LRRTM2: variants seen among roughly 807,000 people sequenced by gnomAD.
LRRTM2 encodes leucine rich repeat transmembrane neuronal 2.
In LRRTM2, 14 loss-of-function variants were observed where a neutral mutation model predicts 40.7. That is an observed-to-expected ratio of 0.34 (90% CI 0.23 to 0.54). The LOEUF (loss-of-function observed/expected upper bound fraction) is 0.54, where lower values mean the gene tolerates loss of function less well. LRRTM2 is among the 20% of genes least tolerant of loss of function. LRRTM2 has a pLI of 0.92. For missense variants in LRRTM2, 468 were observed against 624.4 expected (o/e 0.75, Z 2.67); for synonymous variants, 223 against 237.6 (o/e 0.94, Z 0.57).
In LRRTM2 at chr5:138,869,844, A is replaced by C. The variant is rs1034368845; in HGVS notation, c.*3166T>G. ...TGTTAGTACAGATTTTTGGCTTAAA[A>C]AATTAGTATCTTTGCTTTTTGATGC... On this transcript the variant is annotated 3_prime_UTR_variant, in exon 2 of 2. Transcript: ENST00000274711. 6.5e-6 allele frequency: 1 copy of C among 152,672 alleles called. No individual in the cohort carries two copies. Among genetic ancestry groups the C allele is most frequent in the Non-Finnish European group, 1.5e-5 (1 of 68,048 alleles). 9.5% of individuals were successfully genotyped at this position (152,672 alleles called of 1,614,324 possible).
Position 138,874,410 on chromosome 5 carries a change from C to T in LRRTM2, c.151G>A (p.Gly51Ser). The T allele has an allele frequency of 1.2e-6, 2 of 1,613,842 alleles. No homozygotes were observed. Among genetic ancestry groups the T allele is most frequent in the Middle Eastern group, 1.6e-4 (1 of 6,062 alleles). The change falls in exon 2 of 2, where the codon GGC (glycine) becomes AGC (serine). Residue 51 changes from glycine to serine, a missense_variant. Coordinates refer to ENST00000274711, the MANE Select transcript of LRRTM2 (RefSeq NM_015564.3). The surrounding 1 kb of genome is among the most constrained non-coding windows in gnomAD (Gnocchi z 4.1). ...EKLLFYCDSQ[G>S]FHSVPNATDK... Reference sequence around the variant, plus strand: ...GTGGCGTTTGGCACTGAGTGGAAGCCCTGAGAGTCGCAGTAGAAGAGCAGC... The same window carrying T: ...GTGGCGTTTGGCACTGAGTGGAAGCTCTGAGAGTCGCAGTAGAAGAGCAGC...
At position 138,872,913 on chromosome 5, in the gene LRRTM2, G is replaced by C. The variant is rs1750814952; in HGVS notation, c.*97C>G. On this transcript the variant is annotated 3_prime_UTR_variant, in exon 2 of 2. Transcript: ENST00000274711. The stretch of plus-strand genomic sequence containing the variant: ...GTCTCCACTTAGTTTGGAAAATTAG[G>C]CTTAATGTCACCATTGGTAAAAATT... The C allele has an allele frequency of 1.2e-6, 1 of 858,044 alleles. No homozygotes were observed. The highest frequency in any genetic ancestry group is 1.7e-5 in the African/African-American group (1 of 58,812). The allele number at this position is 858,044 out of a possible 1,614,324, so 53.2% of individuals were successfully genotyped here. A position where few individuals can be genotyped will look rare whatever the true frequency, so the allele number is the denominator to read the frequency against.
Position 138,873,168 on chromosome 5 carries a change from T to C in LRRTM2, c.1393A>G (p.Arg465Gly), listed in dbSNP as rs1336905253. The change falls in exon 2 of 2, where the codon AGG (arginine) becomes GGG (glycine). Residue 465 changes from arginine (R) to glycine (G), a missense_variant. By Grantham distance (125) the Arg-to-Gly change is moderately radical. Coordinates refer to ENST00000274711, the MANE Select transcript of LRRTM2 (RefSeq NM_015564.3). The surrounding 1 kb of genome is among the most constrained non-coding windows in gnomAD (Gnocchi z 6.1). ...IRQCSMVQNHRQLRSQTRLHM... is the reference protein window; with the variant it reads ...IRQCSMVQNHGQLRSQTRLHM... ...AGTCGTGTTTGGGATCGGAGCTGCC[T>C]GTGGTTCTGAACCATTGAGCACTGC... 6.2e-7 allele frequency: 1 copy of C among 1,613,842 alleles called. No individual in the cohort carries two copies. Among genetic ancestry groups the C allele is most frequent in the Non-Finnish European group, 8.5e-7 (1 of 1,179,764 alleles).
Position 138,869,746 on chromosome 5 carries a change from G to A in LRRTM2, c.*3264C>T, listed in dbSNP as rs1033106763. 4 of 152,566 alleles carry A rather than the reference G, an allele frequency of 2.6e-5. No individual in the cohort carries two copies. Among genetic ancestry groups the A allele is most frequent in the Admixed American group, 6.6e-5 (1 of 15,252 alleles). 9.5% of individuals were successfully genotyped at this position (152,566 alleles called of 1,614,324 possible). A position where few individuals can be genotyped will look rare whatever the true frequency, so the allele number is the denominator to read the frequency against. On this transcript the variant is annotated 3_prime_UTR_variant, in exon 2 of 2. Coordinates refer to ENST00000274711, the MANE Select transcript of LRRTM2 (RefSeq NM_015564.3). ...CAGATGGATTTTAATAATTAGTGGC[G>A]TTGGGAAGTTCAGTCAATTCCATTT...
In LRRTM2 at chr5:138,874,993, G is replaced by A; in HGVS notation, c.-82C>T. 16 of 1,418,078 alleles carry A rather than the reference G, an allele frequency of 1.1e-5. No homozygotes were observed. Among genetic ancestry groups the A allele is most frequent in the Non-Finnish European group, 1.6e-5 (16 of 1,011,098 alleles). 87.8% of individuals were successfully genotyped at this position (1,418,078 alleles called of 1,614,324 possible). ...AGTCTGTAAAAGGCTCTAACATGTA[G>A]GAGCCTTTGACCAGTTTCCTGTTTT... On this transcript the variant is annotated 5_prime_UTR_variant, in exon 1 of 2. Transcript: ENST00000274711. This position sits in a 1 kb window ranked among gnomAD's most constrained non-coding sequence, Gnocchi z 4.1.
In LRRTM2 at chr5:138,873,744, A is replaced by C. The variant is rs1199338919; in HGVS notation, c.817T>G (p.Phe273Val). The C allele has an allele frequency of 6.2e-6, 10 of 1,613,920 alleles. No individual in the cohort carries two copies. Among genetic ancestry groups the C allele is most frequent in the Non-Finnish European group, 8.5e-6 (10 of 1,179,910 alleles). The change falls in exon 2 of 2, where the codon TTT (phenylalanine) becomes GTT (valine). Residue 273 changes from phenylalanine to valine, a missense_variant. By Grantham distance (50) the Phe-to-Val change is conservative. Coordinates refer to ENST00000274711, the MANE Select transcript of LRRTM2 (RefSeq NM_015564.3). This position sits in a 1 kb window ranked among gnomAD's most constrained non-coding sequence, Gnocchi z 6.1. ...ATTTTAAGATTGGGCATCGTTTCAA[A>C]CACTGTCAAGTCGATGGCTTTGATT... is the stretch of plus-strand genomic sequence containing the variant. Reference protein sequence around the residue: ...NEIKAIDLTVFETMPNLKILL... With the variant: ...NEIKAIDLTVVETMPNLKILL...
chr5:138,874,404 G>A lies in LRRTM2; in HGVS notation c.157C>T (p.His53Tyr), dbSNP rs1751054472. 1.2e-6 allele frequency: 2 copies of A among 1,613,846 alleles called. No individual in the cohort carries two copies. The highest frequency in any genetic ancestry group is 2.2e-5 in the South Asian group (2 of 91,076). The change falls in exon 2 of 2, where the codon CAC becomes TAC. Residue 53 changes from histidine (H) to tyrosine (Y), a missense_variant. His to Tyr is a moderately conservative substitution (Grantham distance 83). Transcript: ENST00000274711. This position sits in a 1 kb window ranked among gnomAD's most constrained non-coding sequence, Gnocchi z 4.1. The part of the protein sequence containing the change: ...LLFYCDSQGF[H>Y]SVPNATDKGS... ...TTGTCTGTGGCGTTTGGCACTGAGT[G>A]GAAGCCCTGAGAGTCGCAGTAGAAG...
In LRRTM2 at chr5:138,871,946, T is replaced by A. The variant is rs1246998140; in HGVS notation, c.*1064A>T. 1.3e-5 allele frequency: 2 copies of A among 151,802 alleles called. No individual in the cohort carries two copies. Among genetic ancestry groups the A allele is most frequent in the Non-Finnish European group, 2.9e-5 (2 of 68,008 alleles). The allele number at this position is 151,802 out of a possible 1,614,324, so 9.4% of individuals were successfully genotyped here. ...AACTTGGCTCTTTGAGGTTTGAAGA[T>A]CAGGAAAAAGCAGAAGAAAGAGGTT... is the stretch of plus-strand genomic sequence containing the variant. On this transcript the variant is annotated 3_prime_UTR_variant, in exon 2 of 2. Transcript: ENST00000274711.
chr5:138,874,293 G>C lies in LRRTM2; in HGVS notation c.268C>G (p.Leu90Val). The C allele has an allele frequency of 6.2e-7, 1 of 1,614,034 alleles. No homozygotes were observed. The highest frequency in any genetic ancestry group is 1.3e-5 in the African/African-American group (1 of 75,050). Residue 90 changes from leucine to valine, a missense_variant, in exon 2 of 2, where the codon CTC becomes GTC. Leu to Val is a conservative substitution (Grantham distance 32). Transcript: ENST00000274711. The surrounding 1 kb of genome is among the most constrained non-coding windows in gnomAD (Gnocchi z 4.1). Reference protein sequence around the residue: ...QFASFSQLTWLHLDHNQISTV... With the variant: ...QFASFSQLTWVHLDHNQISTV... ...GAAATTTGATTGTGATCTAAGTGGA[G>C]CCAAGTAAGTTGACTGAAGCTGGCA... is the stretch of plus-strand genomic sequence containing the variant.
chr5:138,871,777 A>G lies in LRRTM2; in HGVS notation c.*1233T>C, dbSNP rs1031445397. 6.6e-6 allele frequency: 1 copy of G among 152,166 alleles called. No homozygotes were observed. The highest frequency in any genetic ancestry group is 1.5e-5 in the Non-Finnish European group (1 of 68,022). The allele number at this position is 152,166 out of a possible 1,614,324, so 9.4% of individuals were successfully genotyped here. ...CAGTGGTGCTGTTTTCTTCACCTAC[A>G]CTGAACTACACTTACAGCGTGAATG... On this transcript the variant is annotated 3_prime_UTR_variant, in exon 2 of 2. Transcript: ENST00000274711.
rs1765127447 is a variant in LRRTM2 at position 138,869,380 on chromosome 5, T to A, written c.*3630A>T. On this transcript the variant is annotated 3_prime_UTR_variant, in exon 2 of 2. Coordinates refer to ENST00000274711, the MANE Select transcript of LRRTM2 (RefSeq NM_015564.3). ...GGCCTTACTGTCTCTCTCTCTTTTT[T>A]TTTTTTTTTCCTGGCTCAAGGGCTT... is the stretch of plus-strand genomic sequence containing the variant. The A allele has an allele frequency of 6.6e-6, 1 of 151,918 alleles. No individual in the cohort carries two copies. The highest frequency in any genetic ancestry group is 2.4e-5 in the African/African-American group (1 of 41,382). 9.4% of individuals were successfully genotyped at this position (151,918 alleles called of 1,614,324 possible). A position where few individuals can be genotyped will look rare whatever the true frequency, so the allele number is the denominator to read the frequency against.
At position 138,874,201 on chromosome 5, in the gene LRRTM2, T is replaced by G. The variant is rs945429857; in HGVS notation, c.360A>C (p.Lys120Asn). 2.5e-6 allele frequency: 4 copies of G among 1,613,898 alleles called. No homozygotes were observed. In the Admixed American group the frequency reaches 5.0e-5, roughly 20 times the overall value. Reference protein sequence around the residue: ...KLKELILSSNKIFYLPNTTFT... With the variant: ...KLKELILSSNNIFYLPNTTFT... ...AAGTTGTGTTTGGCAAGTAAAATAT[T>G]TTGTTGGAACTTAAGATTAATTCCT... is the stretch of plus-strand genomic sequence containing the variant. Residue 120 changes from lysine to asparagine, a missense_variant, in exon 2 of 2, where the codon AAA becomes AAC. Physicochemically the swap from Lys to Asn is moderately conservative, Grantham distance 94. Coordinates refer to ENST00000274711, the MANE Select transcript of LRRTM2 (RefSeq NM_015564.3). This position sits in a 1 kb window ranked among gnomAD's most constrained non-coding sequence, Gnocchi z 4.1.
Position 138,874,509 on chromosome 5 carries a change from A to G in LRRTM2, c.52T>C (p.Tyr18His). The change falls in exon 2 of 2, where the codon TAT becomes CAT. Residue 18 changes from tyrosine (Y) to histidine (H), a missense_variant. Physicochemically the swap from Tyr to His is moderately conservative, Grantham distance 83. Transcript: ENST00000274711. This position sits in a 1 kb window ranked among gnomAD's most constrained non-coding sequence, Gnocchi z 4.1. The part of the protein sequence containing the change: ...PLGAPMLAAI[Y>H]AMSMVLKMLP... Reference sequence around the variant, plus strand: ...ATTTTTAAAACCATACTCATTGCATATATTGCTGCCAGCATAGGGGCCCCT... The same window carrying G: ...ATTTTTAAAACCATACTCATTGCATGTATTGCTGCCAGCATAGGGGCCCCT... 3 of 1,602,098 alleles carry G rather than the reference A, an allele frequency of 1.9e-6. No homozygotes were observed. Among genetic ancestry groups the G allele is most frequent in the Non-Finnish European group, 2.6e-6 (3 of 1,172,632 alleles).
chr5:138,874,542 A>G lies in LRRTM2; in HGVS notation c.19T>C (p.Trp7Arg). 6.4e-7 allele frequency: 1 copy of G among 1,566,484 alleles called. No individual in the cohort carries two copies. The change falls in exon 2 of 2, where the codon TGG (tryptophan) becomes CGG (arginine). Residue 7 changes from tryptophan (W) to arginine (R), a missense_variant. Trp to Arg is a moderately radical substitution (Grantham distance 101). Coordinates refer to ENST00000274711, the MANE Select transcript of LRRTM2 (RefSeq NM_015564.3). The surrounding 1 kb of genome is among the most constrained non-coding windows in gnomAD (Gnocchi z 4.1). ...GCCAGCATAGGGGCCCCTAATGGCC[A>G]CTTGAAATGTAAGCCTGCAGAATAT... Reference protein sequence around the residue: MGLHFKWPLGAPMLAAI... With the variant: MGLHFKRPLGAPMLAAI...
Position 138,874,449 on chromosome 5 carries a change from A to T in LRRTM2, c.112T>A (p.Cys38Ser). 6.2e-7 allele frequency: 1 copy of T among 1,613,788 alleles called. No individual in the cohort carries two copies. ...TAGAAGAGCAGCTTCTCGCAGCGGC[A>T]TTTGGGTGGACACGCCATACCCAGG... is the stretch of plus-strand genomic sequence containing the variant. Reference protein sequence around the residue: ...PALGMACPPKCRCEKLLFYCD... With the variant: ...PALGMACPPKSRCEKLLFYCD... Residue 38 changes from cysteine to serine, a missense_variant, in exon 2 of 2, where the codon TGC becomes AGC. Coordinates refer to ENST00000274711, the MANE Select transcript of LRRTM2 (RefSeq NM_015564.3). This position sits in a 1 kb window ranked among gnomAD's most constrained non-coding sequence, Gnocchi z 4.1.
chr5:138,873,654 G>T lies in LRRTM2; in HGVS notation c.907C>A (p.Leu303Ile), dbSNP rs1750922430. Residue 303 changes from leucine to isoleucine, a missense_variant, in exon 2 of 2, where the codon CTC becomes ATC. Physicochemically the swap from Leu to Ile is conservative, Grantham distance 5. Coordinates refer to ENST00000274711, the MANE Select transcript of LRRTM2 (RefSeq NM_015564.3). The surrounding 1 kb of genome is among the most constrained non-coding windows in gnomAD (Gnocchi z 6.1). Reference protein sequence around the residue: ...DSKILNSLRSLTTVGLSGNLW... With the variant: ...DSKILNSLRSITTVGLSGNLW... ...TTGCCAGAGAGACCAACGGTTGTGA[G>T]GGATCTCAGGGAGTTTAAGATCTTG... 6.2e-7 allele frequency: 1 copy of T among 1,613,906 alleles called. No homozygotes were observed. The highest frequency in any genetic ancestry group is 1.7e-5 in the Admixed American group (1 of 60,004).
chr5:138,873,080 G>A lies in LRRTM2; in HGVS notation c.1481C>T (p.Pro494Leu). 6.2e-7 allele frequency: 1 copy of A among 1,613,776 alleles called. No homozygotes were observed. The highest frequency in any genetic ancestry group is 8.5e-7 in the Non-Finnish European group (1 of 1,179,828). Reference protein sequence around the residue: ...YNEYEPTHEGPFIIINGYGQC... With the variant: ...YNEYEPTHEGLFIIINGYGQC... ...TCCATAACCATTAATGATGATGAAG[G>A]GTCCTTCATGGGTGGGTTCATATTC... Residue 494 changes from proline (P) to leucine (L), a missense_variant, in exon 2 of 2, where the codon CCC becomes CTC. By Grantham distance (98) the Pro-to-Leu change is moderately conservative (BLOSUM62 -3). Transcript: ENST00000274711. This position sits in a 1 kb window ranked among gnomAD's most constrained non-coding sequence, Gnocchi z 6.1.
At position 138,870,808 on chromosome 5, in the gene LRRTM2, T is replaced by G. The variant is rs1750509205; in HGVS notation, c.*2202A>C. 2 of 152,204 alleles carry G rather than the reference T, an allele frequency of 1.3e-5. No homozygotes were observed. The highest frequency in any genetic ancestry group is 4.1e-4 in the South Asian group (2 of 4,828). 9.4% of individuals were successfully genotyped at this position (152,204 alleles called of 1,614,324 possible). ...TAAATTTTAGCTCGTGGTGCTCTTA[T>G]TTGTAATAGGGGCTTCTAATTCAGC... is the stretch of plus-strand genomic sequence containing the variant. On this transcript the variant is annotated 3_prime_UTR_variant, in exon 2 of 2. Coordinates refer to ENST00000274711, the MANE Select transcript of LRRTM2 (RefSeq NM_015564.3).
Position 138,872,954 on chromosome 5 carries a change from C to G in LRRTM2, c.*56G>C, listed in dbSNP as rs1156458666. ...GGTAAAAATTAGATATGTATTTAGC[C>G]TCTACTATGTAAAATAGGTTACTTA... On this transcript the variant is annotated 3_prime_UTR_variant, in exon 2 of 2. Transcript: ENST00000274711. 1 of 1,282,810 alleles carries G rather than the reference C, an allele frequency of 7.8e-7. No individual in the cohort carries two copies. The highest frequency in any genetic ancestry group is 2.3e-5 in the East Asian group (1 of 42,704). 79.5% of individuals were successfully genotyped at this position (1,282,810 alleles called of 1,614,324 possible). A position where few individuals can be genotyped will look rare whatever the true frequency, so the allele number is the denominator to read the frequency against.
Sources: gnomAD v4.1 joint callset for allele counts on GRCh38, gnomAD v4.1.1 for gene constraint, Gnocchi (gnomAD v3.1) non-coding constraint, MANE v1.5 for transcripts, NCBI Gene and HGNC (gene_info 2026-07-23, HGNC 2026-07-21) for gene names.